Variants in CDH13 observed in about 807,000 individuals in gnomAD.
The protein encoded by CDH13 is cadherin-13.
Under a neutral mutation model 63.8 loss-of-function variants are expected in CDH13, and 24 were observed. The observed-to-expected ratio is 0.38, with a 90% confidence interval of 0.27 to 0.53. The LOEUF is 0.53. Ranked by LOEUF, CDH13 falls within the 20% of genes least tolerant of loss-of-function variation. CDH13 has a pLI of 0.85. For missense variants in CDH13, 1,049 were observed against 903.1 expected, an observed-to-expected ratio of 1.16 and a Z score of -2.07; for synonymous variants, 503 against 355.3, an observed-to-expected ratio of 1.42 and a Z score of -4.67.
intron 5 of CDH13, among the ~76,000 whole-genome samples, chr16:83,287,206 C>T (rs149760186): frequency 1.3e-5 from 2 of 152,236 alleles, no homozygotes; most frequent in African/African-American, 4.8e-5. Context: ...CAGAGATATC[C>T]AGTAGGACCT....
At chr16:82,933,642 A>G (rs2042570876) in intron 2 of CDH13, among the ~76,000 whole-genome samples, 1 of 152,194 alleles carries the variant, frequency 6.6e-6, no homozygotes, top group Non-Finnish European at 1.5e-5. Context: ...AGACAAGGCA[A>G]GTCCCTTCCA....
At chr16:82,797,444 C>T (rs1213909589) in intron 1 of CDH13, among the ~76,000 whole-genome samples, 4 of 152,180 alleles carry the variant, frequency 2.6e-5, no homozygotes, top group African/African-American at 9.7e-5. Flanking sequence ...GCAGACTTTG[C>T]TAATTCATCA....
intron 1 of CDH13, among the ~76,000 whole-genome samples, chr16:82,818,736 C>G (rs1475802753): frequency 6.6e-6 from 1 of 152,182 alleles, no homozygotes; most frequent in Non-Finnish European, 1.5e-5. Flanking sequence ...CCACAGGCAT[C>G]TCTCGGCAGC....
chr16:83,460,209 G>A (rs1284930394), intron 6 of CDH13, among the ~76,000 whole-genome samples: 1 of 152,240 alleles, frequency 6.6e-6, no homozygotes, highest in African/African-American at 2.4e-5. Context: ...ATAATTTTAT[G>A]TCTTCCTGAT....
intron 5 of CDH13, among the ~76,000 whole-genome samples, chr16:83,265,084 T>G (rs1907445500): frequency 6.6e-6 from 1 of 152,252 alleles, no homozygotes; most frequent in African/African-American, 2.4e-5. Context: ...CCAACAGAGC[T>G]GTGAGATACT....
At chr16:83,226,348 T>C (rs2039838065) in intron 5 of CDH13, among the ~76,000 whole-genome samples, 1 of 152,196 alleles carries the variant, frequency 6.6e-6, no homozygotes, top group African/African-American at 2.4e-5. Flanking sequence ...GCAAAGCTGC[T>C]TCCTCACTCA....
chr16:83,114,342 G>A (rs2035199459), intron 3 of CDH13, among the ~76,000 whole-genome samples: 1 of 152,154 alleles, frequency 6.6e-6, no homozygotes, highest in African/African-American at 2.4e-5. Context: ...GAAGACTCAA[G>A]GCAACAGTGA....
intron 8 of CDH13, among the ~76,000 whole-genome samples, chr16:83,649,261 G>C (rs1039895779): frequency 3.3e-5 from 5 of 152,224 alleles, no homozygotes; most frequent in African/African-American, 1.2e-4. Flanking sequence ...GGAACAGTAT[G>C]TTTTCTACTG....
At chr16:83,046,791 G>A (rs115730346) in intron 3 of CDH13, among the ~76,000 whole-genome samples, 1 of 152,060 alleles carries the variant, frequency 6.6e-6, no homozygotes, top group African/African-American at 2.4e-5. Context: ...TTGTTGCTCT[G>A]ACCCTGGTGC....
At chr16:83,578,995 T>C (rs1203710799) in intron 7 of CDH13, among the ~76,000 whole-genome samples, 1 of 152,264 alleles carries the variant, frequency 6.6e-6, no homozygotes, top group East Asian at 1.9e-4. Context: ...GTTCCTGTTA[T>C]GAAAAGCATT....
chr16:82,991,482 C>T (rs1911650006), intron 2 of CDH13, among the ~76,000 whole-genome samples: 1 of 152,150 alleles, frequency 6.6e-6, no homozygotes, highest in Non-Finnish European at 1.5e-5. Context: ...AACTGCAAGG[C>T]CCTTGTTCAG....
chr16:83,258,502 A>G (rs1030588256), intron 5 of CDH13, among the ~76,000 whole-genome samples: 3 of 152,236 alleles, frequency 2.0e-5, no homozygotes, highest in Non-Finnish European at 4.4e-5. Flanking sequence ...ATGATGATCA[A>G]GAAGAGAGGA....
intron 6 of CDH13, among the ~76,000 whole-genome samples, chr16:83,365,904 C>T (rs2091249538): frequency 1.3e-5 from 2 of 152,226 alleles, no homozygotes; most frequent in Middle Eastern, 3.4e-3. Context: ...TTTTTCCCCC[C>T]AGGGACTCCA....
chr16:82,901,903 A>G (rs1176889112), intron 2 of CDH13, among the ~76,000 whole-genome samples: 1 of 152,186 alleles, frequency 6.6e-6, no homozygotes, highest in African/African-American at 2.4e-5. Context: ...CTGTGCAGAT[A>G]CTTTTCACAC....
At chr16:82,937,809 A>G (rs1041875957) in intron 2 of CDH13, among the ~76,000 whole-genome samples, 6 of 152,364 alleles carry the variant, frequency 3.9e-5, no homozygotes, top group Admixed American at 6.5e-5. Context: ...TGTAGATTTA[A>G]TGTTGTTTAT....
intron 1 of CDH13, among the ~76,000 whole-genome samples, chr16:82,838,465 A>T (rs534587460): frequency 6.6e-6 from 1 of 152,174 alleles, no homozygotes; most frequent in African/African-American, 2.4e-5. Flanking sequence ...CTTCCTGTTT[A>T]TTGACTTAAA....
chr16:83,413,067 A>T (rs1330280258), intron 6 of CDH13, among the ~76,000 whole-genome samples: 1 of 152,188 alleles, frequency 6.6e-6, no homozygotes, highest in African/African-American at 2.4e-5. Flanking sequence ...GGCTGTTTTT[A>T]CTTAATACAT....
intron 5 of CDH13, among the ~76,000 whole-genome samples, chr16:83,262,872 G>C (rs1009226589): frequency 1.3e-5 from 2 of 152,150 alleles, no homozygotes; most frequent in African/African-American, 4.8e-5. Flanking sequence ...CACCAATTGA[G>C]TAAGAATTTG....
chr16:83,215,129 T>G (rs1190658702), intron 4 of CDH13, among the ~76,000 whole-genome samples: 2 of 119,698 alleles, frequency 1.7e-5, no homozygotes, highest in Non-Finnish European at 1.6e-5. Flanking sequence ...CAGGCTAGAG[T>G]GCAGTGGAGC....
Sources: gnomAD v4.1 joint callset for allele counts (sites outside exome capture counted in the v4.1 genomes callset) on GRCh38, gnomAD v4.1.1 for gene constraint, MANE v1.5 for transcripts, NCBI Gene and HGNC (gene_info 2026-07-23, HGNC 2026-07-21) for gene names.